Variants in SGCZ observed in about 807,000 individuals in gnomAD.
The protein encoded by SGCZ is zeta-sarcoglycan.
A neutral mutation model predicts 41.3 loss-of-function variants in SGCZ; 40 were observed. The observed-to-expected ratio is 0.97, with a 90% CI of 0.75 to 1.26. The LOEUF is 1.26. Ranked by LOEUF, SGCZ falls within the 50% of genes most tolerant of loss-of-function variation. SGCZ has a pLI of 0.00. For synonymous variants in SGCZ, 206 were observed against 137.5 expected, an observed-to-expected ratio of 1.50 and a Z score of -3.49; for missense variants, 552 against 369.8, an observed-to-expected ratio of 1.49 and a Z score of -4.04.
At chr8:14,413,429 C>A (rs1055645183) in intron 2 of SGCZ, among the ~76,000 whole-genome samples, 2 of 151,906 alleles carry the variant, frequency 1.3e-5, no homozygotes, top group Non-Finnish European at 1.5e-5. Context: ...TCTATCTTTG[C>A]AAGGAAAGAG....
At chr8:14,880,104 G>C (rs1804530748) in intron 1 of SGCZ, among the ~76,000 whole-genome samples, 1 of 152,092 alleles carries the variant, frequency 6.6e-6, no homozygotes, top group Admixed American at 6.6e-5. Context: ...GCCTTCCAAA[G>C]TGCTGGGAAT....
At chr8:14,430,308 C>T (rs73517439) in intron 2 of SGCZ, among the ~76,000 whole-genome samples, 2,586 of 152,224 alleles carry the variant, frequency 0.017, 73 homozygotes, top group African/African-American at 0.058. Context: ...AAAATACTAG[C>T]TTCCTGTATC....
chr8:14,097,117 C>CATTT (rs1443204155), intron 7 of SGCZ, among the ~76,000 whole-genome samples: 1 of 151,860 alleles, frequency 6.6e-6, no homozygotes, highest in Admixed American at 6.6e-5. Flanking sequence ...TGATCATAGT[C>CATTT]ATTTCTTGTC....
rs1801817526 is a variant in SGCZ at position 15,227,487 on chromosome 8, G to C, written c.39+10098C>G. ...CTTATAATGTAAACTTTAGACATTA[G>C]ATTACTTAAAGAGGAAACAACATCA... On this transcript the variant is annotated intron_variant, in intron 1 of 7. Transcript: ENST00000382080. Among the ~76,000 whole-genome samples, 7 of 152,234 alleles carry C rather than the reference G, an allele frequency of 4.6e-5. No homozygotes were observed. In the South Asian group the frequency reaches 1.4e-3, roughly 32 times the overall value.
intron 2 of SGCZ, among the ~76,000 whole-genome samples, chr8:14,500,520 CAA>C (rs1802120635): frequency 6.6e-6 from 1 of 151,336 alleles, no homozygotes; most frequent in Admixed American, 6.6e-5. Flanking sequence ...AATGGTTCTG[CAA>C]ATAACAATTT....
chr8:14,410,975 T>A (rs962610443), intron 2 of SGCZ, among the ~76,000 whole-genome samples: 12 of 152,132 alleles, frequency 7.9e-5, no homozygotes, highest in Admixed American at 6.6e-4. Context: ...AAAATTTCAA[T>A]AGCAATTTTA....
At chr8:14,786,683 G>A (rs1464167430) in intron 1 of SGCZ, among the ~76,000 whole-genome samples, 4 of 151,930 alleles carry the variant, frequency 2.6e-5, no homozygotes, top group Non-Finnish European at 5.9e-5. Flanking sequence ...GAAAGTCTAT[G>A]GAGTTTAATT....
chr8:14,344,201 A>G (rs1201207321), intron 2 of SGCZ, among the ~76,000 whole-genome samples: 2 of 152,094 alleles, frequency 1.3e-5, no homozygotes, highest in Non-Finnish European at 2.9e-5. Context: ...AGGGGTACAG[A>G]GGAATAGAGG....
intron 1 of SGCZ, among the ~76,000 whole-genome samples, chr8:15,005,065 A>C (rs1311681961): frequency 6.6e-6 from 1 of 152,114 alleles, no homozygotes; most frequent in African/African-American, 2.4e-5. Context: ...ATCACTTCAC[A>C]CGGTGCGCTA....
intron 1 of SGCZ, among the ~76,000 whole-genome samples, chr8:14,737,450 A>G (rs190411759): frequency 6.6e-6 from 1 of 152,204 alleles, no homozygotes; most frequent in African/African-American, 2.4e-5. Context: ...AATTTCAATC[A>G]ATCCTCCTTC....
chr8:14,183,006 C>T lies in SGCZ; in HGVS notation c.425-18304G>A, dbSNP rs1481930406. 3.8e-4 allele frequency among the ~76,000 whole-genome samples: 35 copies of T among 91,722 alleles called. 1 individual carries two copies. The highest frequency in any genetic ancestry group is 4.8e-4 in the Non-Finnish European group (21 of 44,200). 60.2% of individuals were successfully genotyped at this position (91,722 alleles called of 152,430 possible). On this transcript the variant is annotated intron_variant, in intron 4 of 7. Coordinates refer to ENST00000382080, the MANE Select transcript of SGCZ (RefSeq NM_139167.4). Reference sequence around the variant, plus strand: ...GCCTGGGCAACAAAGAGCAAAACTCCGTCTCAAAAAAAAAAAAAAAAAAAA... The same window carrying T: ...GCCTGGGCAACAAAGAGCAAAACTCTGTCTCAAAAAAAAAAAAAAAAAAAA...
intron 1 of SGCZ, among the ~76,000 whole-genome samples, chr8:14,951,957 T>C (rs1301769541): frequency 6.6e-6 from 1 of 152,154 alleles, no homozygotes; most frequent in Non-Finnish European, 1.5e-5. Flanking sequence ...GATGTGCCTA[T>C]CATAATTTAT....
chr8:14,801,555 G>C (rs1260881578), intron 1 of SGCZ, among the ~76,000 whole-genome samples: 1 of 152,146 alleles, frequency 6.6e-6, no homozygotes, highest in African/African-American at 2.4e-5. Flanking sequence ...TCCAGGGAAA[G>C]AACAGATCGT....
intron 2 of SGCZ, among the ~76,000 whole-genome samples, chr8:14,443,722 A>C (rs552479189): frequency 3.8e-4 from 58 of 152,326 alleles, no homozygotes; most frequent in Middle Eastern, 6.8e-3. Context: ...AAGAAAACCT[A>C]GGCATTACCA....
intron 7 of SGCZ, 87 bp from the exon 8 acceptor site, chr8:14,090,724 G>A: frequency 8.6e-7 from 1 of 1,158,224 alleles, no homozygotes; most frequent in South Asian, 1.6e-5. Context: ...GGTCTAATAA[G>A]GAAGTCGACA....
At chr8:15,095,899 A>G (rs1362246928) in intron 1 of SGCZ, among the ~76,000 whole-genome samples, 1 of 152,174 alleles carries the variant, frequency 6.6e-6, no homozygotes, top group Non-Finnish European at 1.5e-5. Flanking sequence ...CTGATTTTCA[A>G]CAAGGATCAA....
chr8:14,281,000 G>A (rs1235684045), intron 3 of SGCZ, among the ~76,000 whole-genome samples: 1 of 151,766 alleles, frequency 6.6e-6, no homozygotes. Flanking sequence ...TAGCATTTCA[G>A]ATCAGACAAA....
At chr8:14,712,149 T>A (rs565630017) in intron 1 of SGCZ, among the ~76,000 whole-genome samples, 36 of 152,160 alleles carry the variant, frequency 2.4e-4, no homozygotes, top group Admixed American at 3.9e-4. Context: ...CTTCCACAAC[T>A]AACCCCTAAC....
intron 1 of SGCZ, among the ~76,000 whole-genome samples, chr8:14,577,590 A>G (rs938330878): frequency 7.2e-5 from 11 of 151,826 alleles, no homozygotes; most frequent in Non-Finnish European, 1.3e-4. Flanking sequence ...GTTTCACCAT[A>G]TTGGCCAGGC....
Sources: allele counts gnomAD v4.1 joint callset (sites outside exome capture counted in the v4.1 genomes callset), GRCh38; gene constraint gnomAD v4.1.1; transcripts MANE v1.5; gene names NCBI Gene and HGNC (gene_info 2026-07-23, HGNC 2026-07-21).